Variants in ZFYVE28 observed in about 807,000 individuals in gnomAD.
The protein encoded by ZFYVE28 is zinc finger FYVE-type containing 28, also known as lateral signaling target protein 2 homolog.
ZFYVE28 carries 40 observed loss-of-function variants against 82.1 expected under a neutral mutation model. That is an observed-to-expected ratio of 0.49 (90% confidence interval 0.38 to 0.63). The LOEUF is 0.63. Among genes scored for constraint, ZFYVE28 ranks in the 30% least tolerant of loss-of-function variants. ZFYVE28 has a pLI of 0.00. For synonymous variants in ZFYVE28, 612 were observed against 546.1 expected, an observed-to-expected ratio of 1.12 and a Z score of -1.68; for missense variants, 1,321 against 1,242.1, an observed-to-expected ratio of 1.06 and a Z score of -0.96.
chr4:2,280,270 G>A (rs1007628498), intron 8 of ZFYVE28, among the ~76,000 whole-genome samples: 13 of 152,202 alleles, frequency 8.5e-5, no homozygotes, highest in African/African-American at 2.9e-4. Context: ...ATTATTGGGA[G>A]GCTGAGGCGG....
At chr4:2,389,850 C>T (rs982739014) in intron 1 of ZFYVE28, among the ~76,000 whole-genome samples, 3 of 152,162 alleles carry the variant, frequency 2.0e-5, no homozygotes, top group Non-Finnish European at 4.4e-5. Context: ...CAGGAAAACA[C>T]ACCACGTGCT....
rs180829818 is a variant in ZFYVE28 at position 2,325,714 on chromosome 4, G to A, written c.702-5443C>T. ...ACTCCTGGGCTCAACTAATCCTCTCGTCTTAGCCTCCGAAGTGGCTGGGAC... is the reference window on the plus strand; with the variant it reads ...ACTCCTGGGCTCAACTAATCCTCTCATCTTAGCCTCCGAAGTGGCTGGGAC... On this transcript the variant is annotated intron_variant, in intron 6 of 12. Coordinates refer to ENST00000290974, the MANE Select transcript of ZFYVE28 (RefSeq NM_020972.3). Among the ~76,000 whole-genome samples, 1,414 of 149,298 alleles carry A rather than the reference G, an allele frequency of 9.5e-3. 21 individuals carry two copies. Among genetic ancestry groups the A allele is most frequent in the African/African-American group, 0.033 (1,344 of 40,536 alleles).
chr4:2,314,646 A>C (rs1717945919), intron 7 of ZFYVE28, among the ~76,000 whole-genome samples: 1 of 152,182 alleles, frequency 6.6e-6, no homozygotes, highest in Non-Finnish European at 1.5e-5. Flanking sequence ...AATTCCATTT[A>C]CCCCTTTCTG....
At chr4:2,406,592 G>A (rs1330276929) in intron 1 of ZFYVE28, 1 of 152,202 alleles carries the variant, frequency 6.6e-6, no homozygotes, top group Admixed American at 6.5e-5. Flanking sequence ...TAAACGCCTG[G>A]TTCACCTTTT....
intron 8 of ZFYVE28, among the ~76,000 whole-genome samples, chr4:2,296,689 C>A (rs554501184): frequency 6.6e-6 from 1 of 152,226 alleles, no homozygotes; most frequent in African/African-American, 2.4e-5. Flanking sequence ...AAATGGCAGC[C>A]GTGTGAGCCT....
At chr4:2,374,117 G>A (rs984989374) in intron 1 of ZFYVE28, among the ~76,000 whole-genome samples, 7 of 152,222 alleles carry the variant, frequency 4.6e-5, no homozygotes, top group African/African-American at 1.7e-4. Flanking sequence ...CTAAAATCAT[G>A]ATGTGTGCAT....
chr4:2,285,028 A>G (rs1712510626), intron 8 of ZFYVE28, among the ~76,000 whole-genome samples: 1 of 152,228 alleles, frequency 6.6e-6, no homozygotes, highest in African/African-American at 2.4e-5. Context: ...AGGTGTAACT[A>G]AAGTTAAGAT....
At chr4:2,398,743 GGTA>G in intron 1 of ZFYVE28, among the ~76,000 whole-genome samples, 10 of 14,202 alleles carry the variant, frequency 7.0e-4, no homozygotes, top group Non-Finnish European at 1.2e-3. Context: ...GCACAAGGGG[GGTA>G]TGAGATCCAG....
At chr4:2,318,522 A>G (rs1235427051) in intron 7 of ZFYVE28, among the ~76,000 whole-genome samples, 1 of 152,194 alleles carries the variant, frequency 6.6e-6, no homozygotes, top group Non-Finnish European at 1.5e-5. Flanking sequence ...ACACCACTAC[A>G]CGTGGACAGT....
At chr4:2,351,547 C>G (rs1724447436) in intron 2 of ZFYVE28, among the ~76,000 whole-genome samples, 1 of 152,168 alleles carries the variant, frequency 6.6e-6, no homozygotes, top group Non-Finnish European at 1.5e-5. Context: ...AACCCCGTCT[C>G]TACTAAAAAT....
intron 8 of ZFYVE28, among the ~76,000 whole-genome samples, chr4:2,282,958 C>A (rs911357249): frequency 6.6e-6 from 1 of 152,146 alleles, no homozygotes; most frequent in African/African-American, 2.4e-5. Flanking sequence ...TCAAGAGTGA[C>A]TGGTAGGCTC....
intron 1 of ZFYVE28, among the ~76,000 whole-genome samples, chr4:2,398,694 G>GGCCAAGACCCAGTGCACAATAGGT: frequency 8.6e-6 from 1 of 116,068 alleles, no homozygotes. Context: ...GCACAATGGG[G>GGCCAAGACCCAGTGCACAATAGGT]GGTCGAGATC....
chr4:2,378,359 C>T (rs1728383590), intron 1 of ZFYVE28, among the ~76,000 whole-genome samples: 2 of 152,070 alleles, frequency 1.3e-5, no homozygotes, highest in South Asian at 4.1e-4. Context: ...AAAAAAATAT[C>T]GTTATCATAA....
At chr4:2,405,140 T>C (rs1016300753) in intron 1 of ZFYVE28, among the ~76,000 whole-genome samples, 3 of 152,230 alleles carry the variant, frequency 2.0e-5, no homozygotes, top group African/African-American at 7.2e-5. Flanking sequence ...CCTTGGATAG[T>C]TCCAAAGTGA....
chr4:2,315,615 C>T (rs1205938189), intron 7 of ZFYVE28, among the ~76,000 whole-genome samples: 1 of 152,214 alleles, frequency 6.6e-6, no homozygotes, highest in Non-Finnish European at 1.5e-5. Context: ...TGCTTGTCAG[C>T]TTCCATTGTT....
At chr4:2,337,657 G>T (rs954571627) in intron 4 of ZFYVE28, among the ~76,000 whole-genome samples, 161 bp from the exon 5 acceptor site, 1 of 152,096 alleles carries the variant, frequency 6.6e-6, no homozygotes. Flanking sequence ...TGAGGTGGGA[G>T]GATGGCTTGA....
rs1038899942 is a variant in ZFYVE28 at position 2,417,686 on chromosome 4, T to G, written c.39+599A>C. Among the ~76,000 whole-genome samples the G allele has an allele frequency of 8.6e-5, 13 of 150,916 alleles. No homozygotes were observed. Among genetic ancestry groups the G allele is most frequent in the African/African-American group, 3.0e-4 (12 of 40,544 alleles). Reference sequence around the variant, plus strand: ...GTCCTGGTTCGGGAAGGGAGGCCGTTGGCAGGGCCATCAGGATCCTCTCTG... The same window carrying G: ...GTCCTGGTTCGGGAAGGGAGGCCGTGGGCAGGGCCATCAGGATCCTCTCTG... On this transcript the variant is annotated intron_variant, in intron 1 of 12. Coordinates refer to ENST00000290974, the MANE Select transcript of ZFYVE28 (RefSeq NM_020972.3). The surrounding 1 kb of genome is among the most constrained non-coding windows in gnomAD (Gnocchi z 4.8).
chr4:2,397,315 A>G (rs577875339), intron 1 of ZFYVE28, among the ~76,000 whole-genome samples: 25 of 151,956 alleles, frequency 1.6e-4, no homozygotes, highest in Non-Finnish European at 3.2e-4. Context: ...CATCTCTACT[A>G]AAAATACAAA....
rs1055002475 is a variant in ZFYVE28 at position 2,332,495 on chromosome 4, G to A, written c.701+3210C>T. 5.3e-5 allele frequency among the ~76,000 whole-genome samples: 8 copies of A among 152,150 alleles called. No individual in the cohort carries two copies. The highest frequency in any genetic ancestry group is 1.0e-4 in the Non-Finnish European group (7 of 68,012). On this transcript the variant is annotated intron_variant, in intron 6 of 12. Transcript: ENST00000290974. This position sits in a 1 kb window ranked among gnomAD's most constrained non-coding sequence, Gnocchi z 4.7. The stretch of plus-strand genomic sequence containing the variant: ...GTCCACCCCATGGGGTCCCTGCACT[G>A]AGTCCCCCTTCCAGCATCCAGAACA...
Sources: gnomAD v4.1 joint callset for allele counts (sites outside exome capture counted in the v4.1 genomes callset) on GRCh38, gnomAD v4.1.1 for gene constraint, Gnocchi (gnomAD v3.1) non-coding constraint, MANE v1.5 for transcripts, NCBI Gene and HGNC (gene_info 2026-07-23, HGNC 2026-07-21) for gene names.